SRP68: variants seen among roughly 807,000 people sequenced by gnomAD.
SRP68 encodes signal recognition particle 68, also known as signal recognition particle subunit SRP68.
Under a neutral mutation model 82.2 loss-of-function variants are expected in SRP68, and 15 were observed. That is an observed-to-expected ratio of 0.18 (90% CI 0.12 to 0.28). SRP68 has a LOEUF of 0.28. Among genes scored for constraint, SRP68 ranks in the 10% least tolerant of loss-of-function variants. The probability of loss-of-function intolerance (pLI) is 1.00; values close to 1 mark genes in which losing one functional copy is unlikely to be tolerated. For synonymous variants in SRP68, 261 were observed against 292.6 expected, an observed-to-expected ratio of 0.89 and a Z score of 1.10; for missense variants, 595 against 780.5, an observed-to-expected ratio of 0.76 and a Z score of 2.83.
At chr17:76,040,572 G>T in intron 14 of SRP68, 98 bp from the exon 15 acceptor site, 1 of 1,203,206 alleles carries the variant, frequency 8.3e-7, no homozygotes, top group Non-Finnish European at 1.2e-6. Flanking sequence ...CATCCCAAAA[G>T]CAAAAGGAGC....
chr17:76,045,699 T>G (rs1029929266), intron 11 of SRP68, among the ~76,000 whole-genome samples: 7 of 152,224 alleles, frequency 4.6e-5, no homozygotes, highest in Admixed American at 1.3e-4. Context: ...TCTACTCAGA[T>G]GCCTTGACTG....
chr17:76,063,918 A>C, intron 4 of SRP68, 58 bp downstream of exon 4: 1 of 1,465,192 alleles, frequency 6.8e-7, no homozygotes, highest in Admixed American at 1.9e-5. Context: ...GTTTAACTGC[A>C]GCTTTTTAAA....
At chr17:76,060,257 C>T in intron 7 of SRP68, 51 bp downstream of exon 7, 1 of 1,257,254 alleles carries the variant, frequency 8.0e-7, no homozygotes, top group Non-Finnish European at 1.2e-6. Flanking sequence ...TGAATTACTC[C>T]TTCTGGACTT....
intron 2 of SRP68, among the ~76,000 whole-genome samples, chr17:76,069,631 C>T (rs545333612): frequency 4.6e-5 from 7 of 151,862 alleles, no homozygotes; most frequent in Admixed American, 4.6e-4. Flanking sequence ...CACTTGAACC[C>T]GGGAGGCGGA....
intron 3 of SRP68, among the ~76,000 whole-genome samples, chr17:76,065,990 T>A (rs1331968951): frequency 6.6e-6 from 1 of 151,622 alleles, no homozygotes; most frequent in Non-Finnish European, 1.5e-5. Flanking sequence ...GTGGCTGGGT[T>A]CCAATAAAAC....
chr17:76,039,592 A>G lies in SRP68; in HGVS notation c.*114T>C. The G allele has an allele frequency of 9.7e-7, 1 of 1,029,464 alleles. No homozygotes were observed. The highest frequency in any genetic ancestry group is 1.4e-6 in the Non-Finnish European group (1 of 700,604). The allele number at this position is 1,029,464 out of a possible 1,614,324, so 63.8% of individuals were successfully genotyped here. Reference sequence around the variant, plus strand: ...TAGGAATGCAGGGCCGAAGATGTTAAACTCTTGCCCCGGGCCAATGCAGAC... The same window carrying G: ...TAGGAATGCAGGGCCGAAGATGTTAGACTCTTGCCCCGGGCCAATGCAGAC... On this transcript the variant is annotated 3_prime_UTR_variant, in exon 16 of 16. Transcript: ENST00000307877.
Position 76,072,410 on chromosome 17 carries a change from C to CACT in SRP68, c.81_82insAGT (p.Ser27dup), listed in dbSNP as rs751762904. ...TCCCCTCCGGCACCACGTCCACCGC[C>CACT]GCTACCGCCGCCGCCACTGCCACCG... On this transcript the variant is annotated inframe_insertion, in exon 1 of 16. Transcript: ENST00000307877. This position sits in a 1 kb window ranked among gnomAD's most constrained non-coding sequence, Gnocchi z 4.5. 3.8e-6 allele frequency: 6 copies of CACT among 1,595,936 alleles called. No individual in the cohort carries two copies. Among genetic ancestry groups the CACT allele is most frequent in the Non-Finnish European group, 5.1e-6 (6 of 1,176,080 alleles).
intron 9 of SRP68, chr17:76,048,183 T>G (rs1182615284): frequency 3.7e-6 from 1 of 273,810 alleles, no homozygotes; most frequent in Non-Finnish European, 7.1e-6. Context: ...TGACCTCAAA[T>G]AAGAGAACTG....
At chr17:76,055,433 C>T (rs112359189) in intron 8 of SRP68, among the ~76,000 whole-genome samples, 2,500 of 152,162 alleles carry the variant, frequency 0.016, 29 homozygotes, top group Non-Finnish European at 0.026. Flanking sequence ...CTCTCACTCC[C>T]TCCCACCCTT....
At chr17:76,069,012 A>AATATAT (rs148525020) in intron 2 of SRP68, among the ~76,000 whole-genome samples, 1 of 148,082 alleles carries the variant, frequency 6.8e-6, no homozygotes, top group Non-Finnish European at 1.5e-5. Context: ...TAAATAAATA[A>AATATAT]ATATATATAT....
At position 76,067,207 on chromosome 17, in the gene SRP68, C is replaced by G; in HGVS notation, c.365+10G>C. 2 of 1,589,684 alleles carry G rather than the reference C, an allele frequency of 1.3e-6. No homozygotes were observed. Among genetic ancestry groups the G allele is most frequent in the Middle Eastern group, 1.7e-4 (1 of 6,018 alleles). ...GAAGTAATTTGCAACTAGCATGGAG[C>G]AGTCAATACCTATTATCGGTCAGAA... On this transcript the variant is annotated intron_variant, in intron 3 of 15. Coordinates refer to ENST00000307877, the MANE Select transcript of SRP68 (RefSeq NM_014230.4).
intron 8 of SRP68, among the ~76,000 whole-genome samples, chr17:76,052,611 T>C (rs1044831263): frequency 2.6e-5 from 4 of 150,956 alleles, no homozygotes; most frequent in African/African-American, 4.9e-5. Flanking sequence ...GAGACCATCC[T>C]GGCTAACACG....
chr17:76,062,864 G>A (rs1251666881), intron 4 of SRP68, among the ~76,000 whole-genome samples: 10 of 143,382 alleles, frequency 7.0e-5, no homozygotes, highest in East Asian at 2.0e-4. Context: ...TCCGCCTCCC[G>A]GGTTCACACC....
intron 10 of SRP68, 77 bp downstream of exon 10, chr17:76,047,829 A>G: frequency 1.4e-6 from 1 of 715,470 alleles, no homozygotes; most frequent in Non-Finnish European, 2.0e-6. Flanking sequence ...ATGTAAATAT[A>G]CATAAATATT....
Position 76,039,281 on chromosome 17 carries a change from T to C in SRP68, c.*425A>G, listed in dbSNP as rs183926322. The C allele has an allele frequency of 4.6e-4, 212 of 459,128 alleles. No homozygotes were observed. The highest frequency in any genetic ancestry group is 8.5e-4 in the Admixed American group (36 of 42,566). 28.4% of individuals were successfully genotyped at this position (459,128 alleles called of 1,614,324 possible). ...ACGTTGCCAGTTTCATAGTCATAGA[T>C]AAACTTCTCAAGGGCTCCTGGATGC... On this transcript the variant is annotated 3_prime_UTR_variant, in exon 16 of 16. Coordinates refer to ENST00000307877, the MANE Select transcript of SRP68 (RefSeq NM_014230.4).
chr17:76,069,632 G>T (rs565041784), intron 2 of SRP68, among the ~76,000 whole-genome samples: 2 of 151,802 alleles, frequency 1.3e-5, no homozygotes, highest in South Asian at 4.1e-4. Context: ...ACTTGAACCC[G>T]GGAGGCGGAG....
At chr17:76,052,833 T>C (rs370984159) in intron 8 of SRP68, among the ~76,000 whole-genome samples, 155 of 144,088 alleles carry the variant, frequency 1.1e-3, no homozygotes, top group African/African-American at 3.9e-3. Context: ...CCCTAGATGA[T>C]GAGTTGATAG....
chr17:76,043,223 T>C (rs1272269063), intron 13 of SRP68, among the ~76,000 whole-genome samples: 2 of 152,012 alleles, frequency 1.3e-5, no homozygotes, highest in Non-Finnish European at 2.9e-5. Context: ...ATGATGGTGC[T>C]ACTTGCATTC....
Position 76,072,413 on chromosome 17 carries a change from TACCGCCGCCGCCACTGCC to T in SRP68, c.61_78del (p.Gly21_Gly26del), listed in dbSNP as rs755013769. On this transcript the variant is annotated inframe_deletion, in exon 1 of 16. Coordinates refer to ENST00000307877, the MANE Select transcript of SRP68 (RefSeq NM_014230.4). This position sits in a 1 kb window ranked among gnomAD's most constrained non-coding sequence, Gnocchi z 4.5. ...CCTCCGGCACCACGTCCACCGCCGC[TACCGCCGCCGCCACTGCC>T]ACCGCCGCCGCCACTGCCGCCGCCG... 1.6e-3 allele frequency: 2,551 copies of T among 1,596,018 alleles called. 3 individuals carry two copies. The highest frequency in any genetic ancestry group is 3.5e-3 in the African/African-American group (259 of 74,508).
Sources: allele counts gnomAD v4.1 joint callset (sites outside exome capture counted in the v4.1 genomes callset), GRCh38; gene constraint gnomAD v4.1.1; non-coding constraint Gnocchi (gnomAD v3.1); transcripts MANE v1.5; gene names NCBI Gene and HGNC (gene_info 2026-07-23, HGNC 2026-07-21).